Variants in CPA4 observed in about 807,000 individuals in gnomAD.
The protein encoded by CPA4 is carboxypeptidase A4.
CPA4 carries 49 observed loss-of-function variants against 54.7 expected under a neutral mutation model. That is an observed-to-expected ratio of 0.90 (90% confidence interval 0.71 to 1.14). CPA4 has a LOEUF of 1.14. Ranked by LOEUF, CPA4 falls within the 50% of genes most tolerant of loss-of-function variation. The pLI, the probability that CPA4 is intolerant of heterozygous loss-of-function variation, is 0.00. For missense variants in CPA4, 487 were observed against 525.1 expected (o/e 0.93, Z 0.71); for synonymous variants, 215 against 206.8 (o/e 1.04, Z -0.34).
At chr7:130,316,665 C>T (rs985168080) in intron 10 of CPA4, among the ~76,000 whole-genome samples, 3 of 152,018 alleles carry the variant, frequency 2.0e-5, no homozygotes, top group Non-Finnish European at 2.9e-5. Context: ...AGGCTGGGCG[C>T]GTTGGCTCAC....
In CPA4 at chr7:130,298,820, A is replaced by G. The variant is rs1286483100; in HGVS notation, c.143A>G (p.Asn48Ser). The change falls in exon 2 of 11, where the codon AAC becomes AGC. Residue 48 changes from asparagine (N) to serine (S), a missense_variant. By Grantham distance (46) the Asn-to-Ser change is conservative. Coordinates refer to ENST00000222482, the MANE Select transcript of CPA4 (RefSeq NM_016352.4). ...SKLSQLVNSN[N>S]LKLNFWKSPS... Reference sequence around the variant, plus strand: ...TTGAGTCAACTAGTGAATTCAAACAACTTGAAGGTACCTGGTTCTTTTTAG... The same window carrying G: ...TTGAGTCAACTAGTGAATTCAAACAGCTTGAAGGTACCTGGTTCTTTTTAG... The G allele has an allele frequency of 6.3e-7, 1 of 1,595,866 alleles. No individual in the cohort carries two copies. The highest frequency in any genetic ancestry group is 2.2e-5 in the East Asian group (1 of 44,820).
At chr7:130,320,252 C>T (rs1226680793) in intron 10 of CPA4, among the ~76,000 whole-genome samples, 1 of 152,092 alleles carries the variant, frequency 6.6e-6, no homozygotes, top group Non-Finnish European at 1.5e-5. Flanking sequence ...ATAGTGTGTT[C>T]CCATTTTTTG....
At chr7:130,314,650 G>T (rs1204873362) in intron 10 of CPA4, among the ~76,000 whole-genome samples, 1 of 152,160 alleles carries the variant, frequency 6.6e-6, no homozygotes, top group Admixed American at 6.5e-5. Context: ...TGGTGAGGTT[G>T]ATGTGATTAG....
chr7:130,311,011 A>G (rs370228843), intron 9 of CPA4, 25 bp downstream of exon 9: 27 of 1,604,528 alleles, frequency 1.7e-5, no homozygotes, highest in Non-Finnish European at 2.2e-5. Context: ...CCTCCCACCC[A>G]GCCTGGGGCC....
chr7:130,305,519 A>G (rs1353137871), intron 5 of CPA4, among the ~76,000 whole-genome samples: 2 of 152,214 alleles, frequency 1.3e-5, no homozygotes, highest in Non-Finnish European at 2.9e-5. Context: ...CTTTCAAGAG[A>G]CATAACATTA....
chr7:130,314,736 G>A (rs1008071507), intron 10 of CPA4, among the ~76,000 whole-genome samples: 7 of 152,168 alleles, frequency 4.6e-5, no homozygotes, highest in Admixed American at 2.0e-4. Context: ...AAAGTTCCTC[G>A]AAGCCGTAGG....
At chr7:130,296,020 G>A (rs1038010544) in intron 1 of CPA4, among the ~76,000 whole-genome samples, 11 of 152,092 alleles carry the variant, frequency 7.2e-5, no homozygotes, top group Admixed American at 1.3e-4. Context: ...TACCACAACC[G>A]CCAATGTTCA....
rs1306892462 is a variant in CPA4, at chr7:130,310,461, AT to A, written c.794-324del. Among the ~76,000 whole-genome samples the A allele has an allele frequency of 6.6e-6, 1 of 152,248 alleles. No individual in the cohort carries two copies. The highest frequency in any genetic ancestry group is 1.5e-5 in the Non-Finnish European group (1 of 68,038). On this transcript the variant is annotated intron_variant, in intron 8 of 10. Coordinates refer to ENST00000222482, the MANE Select transcript of CPA4 (RefSeq NM_016352.4). The surrounding 1 kb of genome is among the most constrained non-coding windows in gnomAD (Gnocchi z 4.3). Reference sequence around the variant, plus strand: ...ATAAATGGAGTCATTTTCATTATTTATTGGTATTCATATTAATTATCTAGTC... The same window carrying A: ...ATAAATGGAGTCATTTTCATTATTTATGGTATTCATATTAATTATCTAGTC...
Position 130,306,824 on chromosome 7 carries a change from C to T in CPA4, c.629C>T (p.Ser210Phe), listed in dbSNP as rs370041508. 1 of 1,611,276 alleles carries T rather than the reference C, an allele frequency of 6.2e-7. No homozygotes were observed. Among genetic ancestry groups the T allele is most frequent in the Non-Finnish European group, 8.5e-7 (1 of 1,177,494 alleles). ...TACCAGAGGGATCCAGCTATCACCT[C>T]CATCTTGGAGAAAATGGATATTTTC... The part of the protein sequence containing the change: ...SDYQRDPAIT[S>F]ILEKMDIFLL... Residue 210 changes from serine (S) to phenylalanine (F), a missense_variant, in exon 7 of 11, where the codon TCC (serine) becomes TTC (phenylalanine). Ser to Phe is a radical substitution (Grantham distance 155). Coordinates refer to ENST00000222482, the MANE Select transcript of CPA4 (RefSeq NM_016352.4).
chr7:130,322,265 T>C (rs965299384), intron 10 of CPA4, among the ~76,000 whole-genome samples: 2 of 151,872 alleles, frequency 1.3e-5, no homozygotes, highest in Non-Finnish European at 2.9e-5. Flanking sequence ...AAGGTGGGAG[T>C]AGGGGTTTCA....
intron 8 of CPA4, among the ~76,000 whole-genome samples, chr7:130,309,745 T>C (rs978403989): frequency 6.6e-6 from 1 of 152,154 alleles, no homozygotes. Flanking sequence ...CACTGTCCCA[T>C]GGCTGTACTG....
chr7:130,310,765 G>T lies in CPA4; in HGVS notation c.794-22G>T. ...GTTCTTGGACTATGAGTTAATGTTT[G>T]TTCTTGGGCTATCCCCAACAGGAAA... On this transcript the variant is annotated intron_variant, in intron 8 of 10. Coordinates refer to ENST00000222482, the MANE Select transcript of CPA4 (RefSeq NM_016352.4). The surrounding 1 kb of genome is among the most constrained non-coding windows in gnomAD (Gnocchi z 4.3). 1 of 1,609,432 alleles carries T rather than the reference G, an allele frequency of 6.2e-7. No individual in the cohort carries two copies. Among genetic ancestry groups the T allele is most frequent in the Non-Finnish European group, 8.5e-7 (1 of 1,175,802 alleles).
At chr7:130,304,703 A>AT (rs1793791971) in intron 5 of CPA4, 124 bp downstream of exon 5, 3 of 695,044 alleles carry the variant, frequency 4.3e-6, no homozygotes, top group African/African-American at 1.8e-5. Flanking sequence ...GTCAGGACAC[A>AT]TTGTACCTGG....
In CPA4 at chr7:130,293,890, C is replaced by T. The variant is rs75013956; in HGVS notation, c.68+642C>T. Among the ~76,000 whole-genome samples the T allele has an allele frequency of 1.4e-3, 206 of 151,860 alleles. 1 individual carries two copies. Among genetic ancestry groups the T allele is most frequent in the African/African-American group, 4.6e-3 (190 of 41,346 alleles). On this transcript the variant is annotated intron_variant, in intron 1 of 10. Transcript: ENST00000222482. ...TGCCTGAACACCGTGTGTGTGTGCG[C>T]GTGTGTGTGTGCACACACACACGTG...
chr7:130,304,335 G>T, intron 4 of CPA4, 143 bp from the exon 5 acceptor site: 1 of 706,980 alleles, frequency 1.4e-6, no homozygotes, highest in Non-Finnish European at 2.6e-6. Context: ...CTCATAATCA[G>T]CGTTTCCATG....
chr7:130,313,569 T>C (rs1793944820), intron 10 of CPA4, among the ~76,000 whole-genome samples: 1 of 147,924 alleles, frequency 6.8e-6, no homozygotes, highest in Non-Finnish European at 1.5e-5. Flanking sequence ...AACCCTGTAG[T>C]TCTGTTGAAA....
At chr7:130,318,822 A>G (rs759331750) in intron 10 of CPA4, among the ~76,000 whole-genome samples, 15 of 152,124 alleles carry the variant, frequency 9.9e-5, no homozygotes, top group Non-Finnish European at 2.2e-4. Context: ...ACTCTATCCA[A>G]CGCCATAGGT....
intron 9 of CPA4, 36 bp downstream of exon 9, chr7:130,311,022 C>T (rs373681583): frequency 1.6e-5 from 25 of 1,562,410 alleles, no homozygotes; most frequent in African/African-American, 9.5e-5. Context: ...GCCTGGGGCC[C>T]GCCTGACCCT....
intron 10 of CPA4, among the ~76,000 whole-genome samples, chr7:130,320,378 A>T (rs1284710092): frequency 6.6e-6 from 1 of 152,194 alleles, no homozygotes; most frequent in African/African-American, 2.4e-5. Flanking sequence ...CTCCTTCCTG[A>T]ATCTCAAATG....
Sources: gnomAD v4.1 joint callset for allele counts (sites outside exome capture counted in the v4.1 genomes callset) on GRCh38, gnomAD v4.1.1 for gene constraint, Gnocchi (gnomAD v3.1) non-coding constraint, MANE v1.5 for transcripts, NCBI Gene and HGNC (gene_info 2026-07-23, HGNC 2026-07-21) for gene names.